ATP2C2: variants seen among roughly 807,000 people sequenced by gnomAD.
ATP2C2 encodes calcium-transporting ATPase type 2C member 2.
A neutral mutation model predicts 110.8 loss-of-function variants in ATP2C2; 171 were observed. That is an observed-to-expected ratio of 1.54 (90% CI 1.36 to 1.75). The LOEUF (loss-of-function observed/expected upper bound fraction) is 1.75, where lower values mean the gene tolerates loss of function less well. Ranked by LOEUF, ATP2C2 falls within the 40% of genes most tolerant of loss-of-function variation. The pLI, the probability that ATP2C2 is intolerant of heterozygous loss-of-function variation, is 0.00. For synonymous variants in ATP2C2, 804 were observed against 508.4 expected (o/e 1.58, Z -7.82); for missense variants, 1,963 against 1,235.0 (o/e 1.59, Z -8.84).
intron 1 of ATP2C2, among the ~76,000 whole-genome samples, chr16:84,383,760 T>TGTGTGTGTGTGTGTGTGTG (rs1246366949): frequency 4.1e-5 from 6 of 146,290 alleles, no homozygotes; most frequent in South Asian, 2.3e-4. Context: ...TATGTGTGTG[T>TGTGTGTGTGTGTGTGTGTG]TGGGGGTGGG....
chr16:84,435,829 A>T (rs1042615056), intron 11 of ATP2C2, among the ~76,000 whole-genome samples: 2 of 151,344 alleles, frequency 1.3e-5, no homozygotes, highest in Non-Finnish European at 3.0e-5. Context: ...CCTGCCTCAA[A>T]AAAAAAAATA....
At chr16:84,374,025 C>T (rs571441661) in intron 1 of ATP2C2, among the ~76,000 whole-genome samples, 2 of 152,326 alleles carry the variant, frequency 1.3e-5, no homozygotes, top group Admixed American at 1.3e-4. Context: ...CATCTGATAA[C>T]CGTAGAACTG....
intron 1 of ATP2C2, among the ~76,000 whole-genome samples, chr16:84,381,264 C>T (rs889966757): frequency 2.1e-4 from 32 of 152,242 alleles, no homozygotes; most frequent in African/African-American, 7.2e-4. Flanking sequence ...AAACAAATCA[C>T]AATGGTGGAG....
chr16:84,417,258 C>T (rs1005603584), intron 7 of ATP2C2, among the ~76,000 whole-genome samples: 2 of 152,096 alleles, frequency 1.3e-5, no homozygotes, highest in Non-Finnish European at 1.5e-5. Context: ...TGGGGGCTGC[C>T]GTACTGCAGT....
chr16:84,461,167 C>A, intron 24 of ATP2C2: 1 of 263,834 alleles, frequency 3.8e-6, no homozygotes, highest in Non-Finnish European at 7.2e-6. Context: ...TGATTGTTTG[C>A]TTTGGATCTA....
chr16:84,453,282 T>G (rs868634974), intron 19 of ATP2C2, 39 bp from the exon 20 acceptor site: 13 of 1,613,938 alleles, frequency 8.1e-6, no homozygotes, highest in Middle Eastern at 1.6e-4. Flanking sequence ...GTCACAGCTT[T>G]GAAATCTGAT....
intron 11 of ATP2C2, among the ~76,000 whole-genome samples, chr16:84,437,305 T>C (rs1053127170): frequency 2.0e-5 from 3 of 152,010 alleles, no homozygotes; most frequent in African/African-American, 7.3e-5. Flanking sequence ...GTGATCCTCC[T>C]ACCTCAGCCT....
In ATP2C2 at chr16:84,461,976, T is replaced by C. The variant is rs1911406122; in HGVS notation, c.2581-12T>C. ...ACAGCACACAATCCCCCGTGTGACC[T>C]TCTCCCTGCAGACCAAGCTGATATT... On this transcript the variant is annotated splice_polypyrimidine_tract_variant and intron_variant, in intron 25 of 26. Transcript: ENST00000262429. 7 of 1,612,142 alleles carry C rather than the reference T, an allele frequency of 4.3e-6. No individual in the cohort carries two copies. Among genetic ancestry groups the C allele is most frequent in the Non-Finnish European group, 5.1e-6 (6 of 1,178,556 alleles).
At chr16:84,455,634 A>AACTT (rs538109690) in intron 21 of ATP2C2, among the ~76,000 whole-genome samples, 172 of 152,196 alleles carry the variant, frequency 1.1e-3, no homozygotes, top group African/African-American at 3.9e-3. Flanking sequence ...GGTGAGGGAA[A>AACTT]ACTTTTTAAG....
chr16:84,452,832 TG>T (rs1910418024), intron 18 of ATP2C2, among the ~76,000 whole-genome samples: 1 of 152,072 alleles, frequency 6.6e-6, no homozygotes, highest in Non-Finnish European at 1.5e-5. Flanking sequence ...GGTCTCAGCC[TG>T]GTGCTGGGAA....
chr16:84,462,313 G>T, intron 26 of ATP2C2, 184 bp downstream of exon 26: 2 of 749,588 alleles, frequency 2.7e-6, no homozygotes, highest in Non-Finnish European at 4.2e-6. Flanking sequence ...GTGATGTGAC[G>T]GATGCACAGA....
intron 20 of ATP2C2, among the ~76,000 whole-genome samples, chr16:84,453,696 G>C (rs1196070207): frequency 6.6e-6 from 1 of 152,182 alleles, no homozygotes; most frequent in Non-Finnish European, 1.5e-5. Context: ...ATCTGTAGCT[G>C]GGCGGACACG....
intron 1 of ATP2C2, among the ~76,000 whole-genome samples, chr16:84,378,299 T>A (rs1006488278): frequency 4.2e-4 from 64 of 152,086 alleles, no homozygotes; most frequent in African/African-American, 1.4e-3. Context: ...CCAGGAGCCA[T>A]TGGTGTAGGG....
At chr16:84,393,239 T>A (rs1177939354) in intron 1 of ATP2C2, among the ~76,000 whole-genome samples, 1 of 152,186 alleles carries the variant, frequency 6.6e-6, no homozygotes, top group African/African-American at 2.4e-5. Flanking sequence ...GCTGTGTGAT[T>A]GGAATCAACC....
In ATP2C2 at chr16:84,463,595, C is replaced by CTGTT. The variant is rs755409584; in HGVS notation, c.2723-17_2723-14dup. Reference sequence around the variant, plus strand: ...AGCTGCAGCCCGTCCTGAATCTTTTCTGTTTTCTCCCTTGGCAGATTTGCT... The same window carrying CTGTT: ...AGCTGCAGCCCGTCCTGAATCTTTTCTGTTTGTTTTCTCCCTTGGCAGATTTGCT... On this transcript the variant is annotated intron_variant, in intron 26 of 26. Coordinates refer to ENST00000262429, the MANE Select transcript of ATP2C2 (RefSeq NM_014861.4). The CTGTT allele has an allele frequency of 1.1e-4, 177 of 1,599,960 alleles. No homozygotes were observed. The highest frequency in any genetic ancestry group is 1.4e-4 in the Non-Finnish European group (169 of 1,167,242).
intron 21 of ATP2C2, among the ~76,000 whole-genome samples, chr16:84,455,683 A>G (rs1373208194): frequency 1.3e-5 from 2 of 151,908 alleles, no homozygotes; most frequent in African/African-American, 2.4e-5. Context: ...TATTGAGGCT[A>G]GGTGGATCGT....
chr16:84,461,342 C>A (rs1275378646), intron 24 of ATP2C2: 2 of 336,188 alleles, frequency 5.9e-6, no homozygotes, highest in Non-Finnish European at 1.1e-5. Flanking sequence ...CCTCCATTTT[C>A]CCTCCAGCTC....
chr16:84,419,238 A>AAAAAAAT (rs1555559558), intron 7 of ATP2C2, among the ~76,000 whole-genome samples: 9 of 138,356 alleles, frequency 6.5e-5, no homozygotes, highest in African/African-American at 2.2e-4. Context: ...AAAAAAAAAA[A>AAAAAAAT]GTGCTACTGG....
Position 84,379,676 on chromosome 16 carries a change from G to T in ATP2C2, c.99+10962G>T, listed in dbSNP as rs1336434439. On this transcript the variant is annotated intron_variant, in intron 1 of 26. Transcript: ENST00000262429. The stretch of plus-strand genomic sequence containing the variant: ...CTGGAGTTTGAGTACTGCTGCTCTG[G>T]GTGATTAGCTTCTCTGCGTGTCTCA... 6.6e-5 allele frequency among the ~76,000 whole-genome samples: 10 copies of T among 152,200 alleles called. No individual in the cohort carries two copies. The East Asian group carries it at 1.9e-3, about 29-fold the overall frequency.
Sources: allele counts gnomAD v4.1 joint callset (sites outside exome capture counted in the v4.1 genomes callset), GRCh38; gene constraint gnomAD v4.1.1; transcripts MANE v1.5; gene names NCBI Gene and HGNC (gene_info 2026-07-23, HGNC 2026-07-21).